The following DCT variants were observed in gnomAD, a reference collection of about 807,000 sequenced individuals.
DCT encodes the protein dopachrome tautomerase, also known as L-dopachrome tautomerase.
In DCT, 47 loss-of-function variants were observed where a neutral mutation model predicts 53.0. That is an observed-to-expected ratio of 0.89 (90% CI 0.70 to 1.13). The LOEUF (loss-of-function observed/expected upper bound fraction) is 1.13, where lower values mean the gene tolerates loss of function less well. Among genes scored for constraint, DCT ranks in the 50% most tolerant of loss-of-function variants. DCT has a pLI of 0.00. For synonymous variants in DCT, 244 were observed against 237.0 expected (o/e 1.03, Z -0.27); for missense variants, 669 against 637.4 (o/e 1.05, Z -0.53).
the DCT span, among the ~76,000 whole-genome samples, chr13:94,499,414 T>C: frequency 1.3e-5 from 2 of 152,076 alleles, no homozygotes; most frequent in Non-Finnish European, 2.9e-5. Flanking sequence ...TAAAGATATA[T>C]GCTCCCATTC....
intron 6 of DCT, among the ~76,000 whole-genome samples, chr13:94,456,975 C>T (rs1413069877): frequency 6.6e-6 from 1 of 152,148 alleles, no homozygotes; most frequent in East Asian, 1.9e-4. Context: ...ACTCAAAATA[C>T]AAACATTAGC....
At chr13:94,497,757 G>A in the DCT span, among the ~76,000 whole-genome samples, 117 of 152,254 alleles carry the variant, frequency 7.7e-4, no homozygotes, top group Non-Finnish European at 1.4e-3. Context: ...GGAAGAGGTA[G>A]AGGGGATGGA....
chr13:94,459,619 T>C (rs1883646364), intron 6 of DCT, among the ~76,000 whole-genome samples: 3 of 152,158 alleles, frequency 2.0e-5, no homozygotes, highest in Admixed American at 2.0e-4. Context: ...AGCTCTTGGA[T>C]GTCAGGTGCT....
chr13:94,447,780 A>T (rs1882826579), intron 6 of DCT, among the ~76,000 whole-genome samples: 1 of 152,220 alleles, frequency 6.6e-6, no homozygotes, highest in African/African-American at 2.4e-5. Context: ...CAGTGCTGTA[A>T]GAGGCAAATA....
chr13:94,466,519 T>TA, intron 3 of DCT, 39 bp downstream of exon 3: 1 of 1,384,504 alleles, frequency 7.2e-7, no homozygotes, highest in Non-Finnish European at 9.9e-7. Context: ...ATAAATTTTT[T>TA]AAAAAATTAA....
the DCT span, among the ~76,000 whole-genome samples, chr13:94,524,272 C>T: frequency 3.3e-5 from 5 of 152,196 alleles, no homozygotes; most frequent in African/African-American, 9.6e-5. Context: ...GTGGCACCTT[C>T]GGAATGGCTG....
chr13:94,531,139 G>A, the DCT span, among the ~76,000 whole-genome samples: 1 of 152,166 alleles, frequency 6.6e-6, no homozygotes, highest in African/African-American at 2.4e-5. Context: ...CGAAATAAAA[G>A]AGGACACAAA....
At chr13:94,511,685 C>A in the DCT span, among the ~76,000 whole-genome samples, 3 of 152,052 alleles carry the variant, frequency 2.0e-5, no homozygotes, top group African/African-American at 7.2e-5. Flanking sequence ...TTCAGGACTC[C>A]CAGCTTGCTC....
chr13:94,519,714 G>A, the DCT span, among the ~76,000 whole-genome samples: 1 of 152,176 alleles, frequency 6.6e-6, no homozygotes, highest in African/African-American at 2.4e-5. Context: ...TTGAGAAAAG[G>A]TATGGTAGAG....
At chr13:94,470,084 G>A (rs890106598) in intron 1 of DCT, among the ~76,000 whole-genome samples, 1 of 150,374 alleles carries the variant, frequency 6.7e-6, no homozygotes, top group East Asian at 2.0e-4. Flanking sequence ...CAAAAAGAAA[G>A]AAAAGAAAGA....
chr13:94,544,918 A>G, the DCT span, among the ~76,000 whole-genome samples: 1,836 of 152,286 alleles, frequency 0.012, 37 homozygotes, highest in African/African-American at 0.042. Context: ...ATTATGTATA[A>G]CAATTATAGC....
In DCT at chr13:94,468,783, C is replaced by T. The variant is rs1387662456; in HGVS notation, c.558G>A (p.Val186=). Residue 186 remains valine, a synonymous_variant, in exon 2 of 8, where the codon GTG becomes GTA. Transcript: ENST00000377028. ...CTCTAACAGAATAATAATGGAGCCA[C>T]ACAAAAAAATCATAAACACTGCAGT... ...FANCSVYDFF[V]WLHYYSVRDT... is the part of the protein sequence containing the mutation. The T allele has an allele frequency of 8.1e-6, 13 of 1,614,136 alleles. No homozygotes were observed. The South Asian group carries it at 1.4e-4, about 18-fold the overall frequency.
the DCT span, among the ~76,000 whole-genome samples, chr13:94,507,513 T>TTTC: frequency 1.3e-5 from 2 of 151,694 alleles, no homozygotes; most frequent in Admixed American, 1.3e-4. Context: ...CTTTTTTTTT[T>TTTC]TTTTTGAGAC....
In DCT at chr13:94,438,739, T is replaced by G; in HGVS notation, c.*1159A>C. 10 of 444,390 alleles carry G rather than the reference T, an allele frequency of 2.3e-5. No homozygotes were observed. The highest frequency in any genetic ancestry group is 1.6e-4 in the South Asian group (10 of 61,626). The allele number at this position is 444,390 out of a possible 1,614,324, so 27.5% of individuals were successfully genotyped here. ...TGTCTCATTCTTATTCCTCATGATC[T>G]GATGATTGCATAGCAGAATATAACC... is the stretch of plus-strand genomic sequence containing the variant. On this transcript the variant is annotated 3_prime_UTR_variant, in exon 8 of 8. Transcript: ENST00000377028.
At chr13:94,518,703 G>C in the DCT span, among the ~76,000 whole-genome samples, 1 of 152,038 alleles carries the variant, frequency 6.6e-6, no homozygotes, top group Non-Finnish European at 1.5e-5. Context: ...TCCTCCTGTT[G>C]GTTCATTTGT....
chr13:94,445,757 C>CT (rs766868561), intron 6 of DCT: 3 of 1,580,060 alleles, frequency 1.9e-6, no homozygotes, highest in Non-Finnish European at 2.6e-6. Flanking sequence ...GTCGCTTTCT[C>CT]TTTTCTGTTG....
chr13:94,499,345 C>T, the DCT span, among the ~76,000 whole-genome samples: 2 of 152,140 alleles, frequency 1.3e-5, no homozygotes, highest in Non-Finnish European at 2.9e-5. Flanking sequence ...TCCAGACACA[C>T]ATTTAGCTTC....
chr13:94,513,823 C>T, the DCT span, among the ~76,000 whole-genome samples: 3 of 151,726 alleles, frequency 2.0e-5, no homozygotes, highest in East Asian at 3.9e-4. Flanking sequence ...CTCGTCTCTG[C>T]TAAAATACAA....
At chr13:94,478,821 A>G (rs1176856311) in intron 1 of DCT, 140 bp downstream of exon 1, 3 of 765,892 alleles carry the variant, frequency 3.9e-6, no homozygotes, top group Non-Finnish European at 6.2e-6. Flanking sequence ...CTTATTGAAT[A>G]TGCTTCCGAC....
Sources: allele counts gnomAD v4.1 joint callset (sites outside exome capture counted in the v4.1 genomes callset), GRCh38; gene constraint gnomAD v4.1.1; transcripts MANE v1.5; gene names NCBI Gene and HGNC (gene_info 2026-07-23, HGNC 2026-07-21).